Variants in ARID3B observed in about 807,000 individuals in gnomAD.
ARID3B encodes the protein AT-rich interactive domain-containing protein 3B.
In ARID3B, 10 loss-of-function variants were observed where a neutral mutation model predicts 51.9. The observed-to-expected ratio is 0.19, with a 90% CI of 0.12 to 0.33. The LOEUF is 0.33. Ranked by LOEUF, ARID3B falls within the 10% of genes least tolerant of loss-of-function variation. The pLI is 1.00. For missense variants in ARID3B, 483 were observed against 716.3 expected, an observed-to-expected ratio of 0.67 and a Z score of 3.72; for synonymous variants, 205 against 279.5, an observed-to-expected ratio of 0.73 and a Z score of 2.66.
rs2061827566 is a variant in ARID3B, at chr15:74,596,790, CTTTTG to C, written c.*1021_*1025del. On this transcript the variant is annotated 3_prime_UTR_variant, in exon 9 of 9. Transcript: ENST00000346246. ...ATCTTTTTTATATGTGTTTTGCTGA[CTTTTG>C]TTTTTTTTTTATTTTAAAATTTTTA... The C allele has an allele frequency of 9.4e-6, 2 of 212,972 alleles. No individual in the cohort carries two copies. The highest frequency in any genetic ancestry group is 1.3e-3 in the Middle Eastern group (1 of 770). The allele number at this position is 212,972 out of a possible 1,614,324, so 13.2% of individuals were successfully genotyped here. A position where few individuals can be genotyped will look rare whatever the true frequency, so the allele number is the denominator to read the frequency against.
chr15:74,552,176 C>G (rs377321920), intron 2 of ARID3B, among the ~76,000 whole-genome samples: 1 of 144,024 alleles, frequency 6.9e-6, no homozygotes, highest in Non-Finnish European at 1.5e-5. Context: ...ATTCTCCTGC[C>G]TCAGCCTCTC....
chr15:74,544,050 C>T lies in ARID3B; in HGVS notation c.114C>T (p.Ala38=). The T allele has an allele frequency of 6.2e-7, 1 of 1,613,644 alleles. No homozygotes were observed. Among genetic ancestry groups the T allele is most frequent in the Non-Finnish European group, 8.5e-7 (1 of 1,179,794 alleles). ...REKQGQQMRE[A]QFLYAQKLVT... Reference sequence around the variant, plus strand: ...AGCAGGGCCAGCAGATGAGAGAAGCCCAGTTCTTGTATGCCCAAAAGCTGG... The same window carrying T: ...AGCAGGGCCAGCAGATGAGAGAAGCTCAGTTCTTGTATGCCCAAAAGCTGG... Residue 38 remains alanine, a synonymous_variant, in exon 2 of 9, where the codon GCC becomes GCT. Transcript: ENST00000346246.
chr15:74,582,256 C>T (rs1463277452), intron 4 of ARID3B, among the ~76,000 whole-genome samples: 1 of 152,058 alleles, frequency 6.6e-6, no homozygotes, highest in Non-Finnish European at 1.5e-5. Context: ...CAACCTCCGC[C>T]GCCCGGGTTC....
At chr15:74,576,617 C>T (rs778584975) in intron 4 of ARID3B, among the ~76,000 whole-genome samples, 5 of 151,878 alleles carry the variant, frequency 3.3e-5, no homozygotes, top group African/African-American at 4.8e-5. Context: ...GCCAACATTG[C>T]GCCACTGCCC....
rs984989702 is a variant in ARID3B, at chr15:74,593,084, A to G, written c.1421-54A>G. 33 of 1,541,008 alleles carry G rather than the reference A, an allele frequency of 2.1e-5. No individual in the cohort carries two copies. In the African/African-American group the frequency reaches 3.3e-4, roughly 15 times the overall value. On this transcript the variant is annotated intron_variant, in intron 7 of 8. Coordinates refer to ENST00000346246, the MANE Select transcript of ARID3B (RefSeq NM_006465.4). ...TGGCCAGGCAGCATCAGAGAGGACA[A>G]CAGGAGTGCTGTGGAAGGCTTGACC...
chr15:74,591,642 T>C lies in ARID3B; in HGVS notation c.1248T>C (p.Thr416=). The change falls in exon 7 of 9, where the codon ACT becomes ACC. Residue 416 remains threonine, a synonymous_variant. Coordinates refer to ENST00000346246, the MANE Select transcript of ARID3B (RefSeq NM_006465.4). This position sits in a 1 kb window ranked among gnomAD's most constrained non-coding sequence, Gnocchi z 5.8. Reference sequence around the variant, plus strand: ...CCTTGGCAAGCCAGCAGGCTGGTACTCGGACCGCCGCACTGGAGCAGCTGC... The same window carrying C: ...CCTTGGCAAGCCAGCAGGCTGGTACCCGGACCGCCGCACTGGAGCAGCTGC... ...PVTLASQQAG[T]RTAALEQLRE... The C allele has an allele frequency of 1.2e-6, 2 of 1,603,432 alleles. No homozygotes were observed. The highest frequency in any genetic ancestry group is 1.1e-5 in the South Asian group (1 of 90,086).
chr15:74,554,766 T>A (rs1567117112), intron 2 of ARID3B, among the ~76,000 whole-genome samples: 1 of 152,248 alleles, frequency 6.6e-6, no homozygotes. Context: ...TACTTTTAGA[T>A]TGTAATTTAT....
In ARID3B at chr15:74,559,836, T is replaced by A. The variant is rs577909343; in HGVS notation, c.553-13026T>A. 4.6e-5 allele frequency among the ~76,000 whole-genome samples: 7 copies of A among 151,994 alleles called. No individual in the cohort carries two copies. The East Asian group carries it at 1.2e-3, about 25-fold the overall frequency. On this transcript the variant is annotated intron_variant, in intron 2 of 8. Coordinates refer to ENST00000346246, the MANE Select transcript of ARID3B (RefSeq NM_006465.4). The stretch of plus-strand genomic sequence containing the variant: ...ACAGCCACATAACTTAGATTTAATA[T>A]AACTATAAACATTTGTTGTACTTGC...
intron 4 of ARID3B, 41 bp from the exon 5 acceptor site, chr15:74,589,779 T>A: frequency 1.9e-6 from 3 of 1,565,756 alleles, no homozygotes; most frequent in Non-Finnish European, 2.6e-6. Context: ...CTCAGCCTGA[T>A]GATGATCCCG....
At chr15:74,569,035 C>G (rs546076437) in intron 2 of ARID3B, among the ~76,000 whole-genome samples, 1 of 152,290 alleles carries the variant, frequency 6.6e-6, no homozygotes, top group African/African-American at 2.4e-5. Flanking sequence ...CTTTCTTCCA[C>G]CATTACAGTC....
rs1303053004 is a variant in ARID3B at position 74,589,993 on chromosome 15, C to G, written c.871C>G (p.Leu291Val). Residue 291 changes from leucine (L) to valine (V), a missense_variant, in exon 5 of 9, where the codon CTC becomes GTC. Coordinates refer to ENST00000346246, the MANE Select transcript of ARID3B (RefSeq NM_006465.4). ...ATCCATCACCAGCGCCGCCTTCACC[C>G]TCAGGACGCAGTGAGTGGCCAGGGC... ...PTSITSAAFTLRTQYMKYLYA... is the reference protein window; with the variant it reads ...PTSITSAAFTVRTQYMKYLYA... 1 of 1,611,440 alleles carries G rather than the reference C, an allele frequency of 6.2e-7. No homozygotes were observed. The highest frequency in any genetic ancestry group is 1.1e-5 in the South Asian group (1 of 90,774).
intron 2 of ARID3B, among the ~76,000 whole-genome samples, chr15:74,545,248 C>G (rs2061611294): frequency 6.6e-6 from 1 of 152,216 alleles, no homozygotes; most frequent in Non-Finnish European, 1.5e-5. Flanking sequence ...ACACAGCTGA[C>G]AAGAAGCACT....
In ARID3B at chr15:74,594,604, A is replaced by G. The variant is rs188248411; in HGVS notation, c.1520-1007A>G. Among the ~76,000 whole-genome samples, 27 of 152,382 alleles carry G rather than the reference A, an allele frequency of 1.8e-4. No individual in the cohort carries two copies. In the East Asian group the frequency reaches 5.2e-3, roughly 29 times the overall value. ...CGAAAGCCCTACAACTGCACCTTCT[A>G]TCACAACTGGGAGTGTTTCCTCAGG... is the stretch of plus-strand genomic sequence containing the variant. On this transcript the variant is annotated intron_variant, in intron 8 of 8. Transcript: ENST00000346246.
intron 4 of ARID3B, 136 bp from the exon 5 acceptor site, chr15:74,589,684 G>C: frequency 6.6e-6 from 6 of 908,972 alleles, no homozygotes; most frequent in Non-Finnish European, 9.9e-6. Flanking sequence ...GTTCAGGCTT[G>C]GGGAGTTTGA....
rs3803462 is a variant in ARID3B at position 74,596,154 on chromosome 15, A to C, written c.*380A>C. Reference sequence around the variant, plus strand: ...CCTCCCCTTTTAATTTATTTCCCTGACCCTGCCTTCTGCCATGACCCCAGG... The same window carrying C: ...CCTCCCCTTTTAATTTATTTCCCTGCCCCTGCCTTCTGCCATGACCCCAGG... On this transcript the variant is annotated 3_prime_UTR_variant, in exon 9 of 9. Coordinates refer to ENST00000346246, the MANE Select transcript of ARID3B (RefSeq NM_006465.4). 72,166 of 260,780 alleles carry C rather than the reference A, an allele frequency of 0.28. 13,900 individuals carry two copies. The highest frequency in any genetic ancestry group is 0.55 in the African/African-American group (25,111 of 45,870). The allele number at this position is 260,780 out of a possible 1,614,324, so 16.2% of individuals were successfully genotyped here.
chr15:74,591,848 T>C lies in ARID3B; in HGVS notation c.1420+34T>C, dbSNP rs1284094585. On this transcript the variant is annotated intron_variant, in intron 7 of 8. Coordinates refer to ENST00000346246, the MANE Select transcript of ARID3B (RefSeq NM_006465.4). The surrounding 1 kb of genome is among the most constrained non-coding windows in gnomAD (Gnocchi z 5.8). ...GGCTCAGGGCCGGGCCTTCCCTTCC[T>C]GGAAACCCCAAGCCCATTCACGCCT... 2 of 1,600,214 alleles carry C rather than the reference T, an allele frequency of 1.2e-6. No individual in the cohort carries two copies. Among genetic ancestry groups the C allele is most frequent in the East Asian group, 2.2e-5 (1 of 44,648 alleles).
At chr15:74,554,896 T>C (rs1267636639) in intron 2 of ARID3B, among the ~76,000 whole-genome samples, 1 of 152,166 alleles carries the variant, frequency 6.6e-6, no homozygotes, top group African/African-American at 2.4e-5. Context: ...ATAAAAATTA[T>C]GTTTATTCTC....
At chr15:74,593,680 A>C (rs1245656917) in intron 8 of ARID3B, among the ~76,000 whole-genome samples, 1 of 152,138 alleles carries the variant, frequency 6.6e-6, no homozygotes, top group Non-Finnish European at 1.5e-5. Context: ...TCCTAAACCT[A>C]ATTTGGCAAC....
chr15:74,551,171 G>A (rs140791421), intron 2 of ARID3B, among the ~76,000 whole-genome samples: 1 of 152,286 alleles, frequency 6.6e-6, no homozygotes, highest in East Asian at 1.9e-4. Flanking sequence ...TCAAATCCAC[G>A]TTGAAGGGTC....
Sources: gnomAD v4.1 joint callset for allele counts (sites outside exome capture counted in the v4.1 genomes callset) on GRCh38, gnomAD v4.1.1 for gene constraint, Gnocchi (gnomAD v3.1) non-coding constraint, MANE v1.5 for transcripts, NCBI Gene and HGNC (gene_info 2026-07-23, HGNC 2026-07-21) for gene names.